The following B3GALT1 variants were observed in gnomAD, a reference collection of about 807,000 sequenced individuals.
The protein encoded by B3GALT1 is UDP-Gal:betaGlcNAc beta 1,3-galactosyltransferase, polypeptide 1.
Under a neutral mutation model 23.2 loss-of-function variants are expected in B3GALT1, and 10 were observed. The ratio of observed to expected loss-of-function variants is 0.43; its 90% CI spans 0.27 to 0.73. The LOEUF (loss-of-function observed/expected upper bound fraction) is 0.73, where lower values mean the gene tolerates loss of function less well. Among genes scored for constraint, B3GALT1 ranks in the 30% least tolerant of loss-of-function variants. The pLI, the probability that B3GALT1 is intolerant of heterozygous loss-of-function variation, is 0.21. For synonymous variants in B3GALT1, 156 were observed against 141.5 expected (o/e 1.10, Z -0.73); for missense variants, 299 against 405.4 (o/e 0.74, Z 2.25).
intron 4 of B3GALT1, among the ~76,000 whole-genome samples, chr2:167,836,603 G>C (rs1201637453): frequency 6.6e-6 from 1 of 152,082 alleles, no homozygotes; most frequent in East Asian, 1.9e-4. Context: ...AAAACACTCT[G>C]CAGGATATTA....
intron 4 of B3GALT1, among the ~76,000 whole-genome samples, chr2:167,837,890 A>G (rs1388464909): frequency 5.3e-5 from 8 of 152,188 alleles, no homozygotes; most frequent in Non-Finnish European, 1.0e-4. Flanking sequence ...AAACCGCTCA[A>G]CTACATGGAA....
At chr2:167,417,288 G>T (rs958962508) in intron 1 of B3GALT1, among the ~76,000 whole-genome samples, 1 of 152,066 alleles carries the variant, frequency 6.6e-6, no homozygotes, top group Non-Finnish European at 1.5e-5. Context: ...AATAGGACTG[G>T]TGGCTTTACA....
At chr2:167,340,868 A>G (rs1697136863) in intron 1 of B3GALT1, among the ~76,000 whole-genome samples, 2 of 152,238 alleles carry the variant, frequency 1.3e-5, no homozygotes, top group Admixed American at 6.5e-5. Flanking sequence ...CAGGCACTCA[A>G]TGAGTCAGTT....
intron 2 of B3GALT1, among the ~76,000 whole-genome samples, chr2:167,567,425 A>G (rs1192600682): frequency 6.6e-6 from 1 of 152,144 alleles, no homozygotes; most frequent in East Asian, 1.9e-4. Context: ...TACCATTGGA[A>G]AAAAGGGATC....
intron 2 of B3GALT1, among the ~76,000 whole-genome samples, chr2:167,530,590 A>C (rs74658536): frequency 0.014 from 2,071 of 152,312 alleles, 26 homozygotes; most frequent in South Asian, 0.04. Flanking sequence ...AAGTGATGCC[A>C]TAAAACAGCT....
At chr2:167,416,212 G>A (rs1403892) in intron 1 of B3GALT1, among the ~76,000 whole-genome samples, 140,527 of 152,190 alleles carry the variant, frequency 0.92, 65,545 homozygotes, top group Non-Finnish European at 0.99. Context: ...TAGGAGGACA[G>A]AGTGGCTTTG....
intron 3 of B3GALT1, among the ~76,000 whole-genome samples, chr2:167,804,213 C>T (rs111311577): frequency 0.033 from 4,977 of 152,274 alleles, 118 homozygotes; most frequent in South Asian, 0.069. Flanking sequence ...TGGTCTCAAA[C>T]TCCTGACTTC....
At chr2:167,827,266 G>A (rs1178757718) in intron 4 of B3GALT1, among the ~76,000 whole-genome samples, 1 of 152,206 alleles carries the variant, frequency 6.6e-6, no homozygotes, top group Non-Finnish European at 1.5e-5. Flanking sequence ...AAAGGTTGGG[G>A]TACAAAGAAC....
At chr2:167,710,881 G>A (rs1437833796) in intron 3 of B3GALT1, among the ~76,000 whole-genome samples, 3 of 152,100 alleles carry the variant, frequency 2.0e-5, no homozygotes, top group Non-Finnish European at 4.4e-5. Context: ...CCCGTAGCTG[G>A]TCTCTTTGCT....
At chr2:167,714,348 T>A in intron 3 of B3GALT1, 1 of 1,499,342 alleles carries the variant, frequency 6.7e-7, no homozygotes, top group Non-Finnish European at 9.3e-7. Context: ...GGTTCTCCTC[T>A]TTTATTGGTA....
At chr2:167,321,406 A>T (rs1018252668) in intron 1 of B3GALT1, among the ~76,000 whole-genome samples, 1 of 152,088 alleles carries the variant, frequency 6.6e-6, no homozygotes, top group African/African-American at 2.4e-5. Context: ...TATTTGCTAT[A>T]TATAAAATGT....
chr2:167,833,425 G>A (rs1689391295), intron 4 of B3GALT1, among the ~76,000 whole-genome samples: 1 of 152,168 alleles, frequency 6.6e-6, no homozygotes, highest in African/African-American at 2.4e-5. Context: ...ATTATGGCAG[G>A]TCATACAGTG....
At chr2:167,346,778 G>C (rs144934327) in intron 1 of B3GALT1, among the ~76,000 whole-genome samples, 1 of 151,384 alleles carries the variant, frequency 6.6e-6, no homozygotes, top group Non-Finnish European at 1.5e-5. Context: ...GTGTGTGTGC[G>C]TGTGTGTGCG....
In B3GALT1 at chr2:167,392,469, T is replaced by C. The variant is rs118100426; in HGVS notation, c.-510-97708T>C. Among the ~76,000 whole-genome samples, 171 of 152,254 alleles carry C rather than the reference T, an allele frequency of 1.1e-3. 1 individual carries two copies. The East Asian group carries it at 0.017, about 16-fold the overall frequency. On this transcript the variant is annotated intron_variant, in intron 1 of 4. Coordinates refer to ENST00000392690, the MANE Select transcript of B3GALT1 (RefSeq NM_020981.4). ...CCAAGTAATTTTGATACTCAATTCATGGTAAAAACAATATAGTCTCAATTG... is the reference window on the plus strand; with the variant it reads ...CCAAGTAATTTTGATACTCAATTCACGGTAAAAACAATATAGTCTCAATTG...
At chr2:167,300,577 A>G (rs1010851330) in intron 1 of B3GALT1, among the ~76,000 whole-genome samples, 8 of 152,224 alleles carry the variant, frequency 5.3e-5, no homozygotes, top group African/African-American at 1.9e-4. Flanking sequence ...CATGCAGACA[A>G]ACATGCAGAA....
intron 3 of B3GALT1, among the ~76,000 whole-genome samples, chr2:167,728,481 A>G (rs1687354509): frequency 1.3e-5 from 2 of 152,252 alleles, no homozygotes; most frequent in South Asian, 2.1e-4. Flanking sequence ...AAAATTAAAT[A>G]TATATGGCTA....
At chr2:167,601,312 G>T (rs774946690) in intron 2 of B3GALT1, among the ~76,000 whole-genome samples, 1 of 152,154 alleles carries the variant, frequency 6.6e-6, no homozygotes, top group African/African-American at 2.4e-5. Flanking sequence ...CTCCCAAAGT[G>T]CTGGGATTAC....
chr2:167,871,079 T>C lies in B3GALT1; in HGVS notation c.*1059T>C, dbSNP rs904306833. 6.6e-6 allele frequency: 1 copy of C among 152,508 alleles called. No homozygotes were observed. Among genetic ancestry groups the C allele is most frequent in the Non-Finnish European group, 1.5e-5 (1 of 68,040 alleles). The allele number at this position is 152,508 out of a possible 1,614,324, so 9.4% of individuals were successfully genotyped here. ...GCTAACATCTGAAAACACCAGAGCA[T>C]GTTCAGCAGCAATGCTGTTATGAGG... On this transcript the variant is annotated 3_prime_UTR_variant, in exon 5 of 5. Coordinates refer to ENST00000392690, the MANE Select transcript of B3GALT1 (RefSeq NM_020981.4).
At chr2:167,767,080 C>G (rs1337194451) in intron 3 of B3GALT1, among the ~76,000 whole-genome samples, 2 of 152,158 alleles carry the variant, frequency 1.3e-5, no homozygotes. Flanking sequence ...AAAAATTTCC[C>G]TGGAAAGTTC....
Sources: allele counts gnomAD v4.1 joint callset (sites outside exome capture counted in the v4.1 genomes callset), GRCh38; gene constraint gnomAD v4.1.1; transcripts MANE v1.5; gene names NCBI Gene and HGNC (gene_info 2026-07-23, HGNC 2026-07-21).